Variants in SEMA3E observed in about 807,000 individuals in gnomAD.
The protein encoded by SEMA3E is semaphorin 3E, also known as semaphorin-3E.
A neutral mutation model predicts 93.6 loss-of-function variants in SEMA3E; 49 were observed. The ratio of observed to expected loss-of-function variants is 0.52; its 90% CI spans 0.42 to 0.66. SEMA3E has a LOEUF of 0.66. SEMA3E is among the 30% of genes least tolerant of loss of function. SEMA3E has a pLI of 0.00. For missense variants in SEMA3E, 906 were observed against 964.8 expected, an observed-to-expected ratio of 0.94 and a Z score of 0.81; for synonymous variants, 363 against 330.7, an observed-to-expected ratio of 1.10 and a Z score of -1.06.
chr7:83,559,752 A>G (rs1791989931), intron 1 of SEMA3E, among the ~76,000 whole-genome samples: 1 of 152,112 alleles, frequency 6.6e-6, no homozygotes, highest in African/African-American at 2.4e-5. Context: ...ATGTATATCC[A>G]CACAAAACCC....
At position 83,412,463 on chromosome 7, in the gene SEMA3E, G is replaced by A. The variant is rs144526504; in HGVS notation, c.551-3976C>T. Among the ~76,000 whole-genome samples the A allele has an allele frequency of 2.7e-3, 409 of 152,162 alleles. 1 individual carries two copies. The highest frequency in any genetic ancestry group is 9.1e-3 in the African/African-American group (377 of 41,518). ...AAAGGCTGTGAAGTGTCAACAATCA[G>A]GGCCAGGTGCAGTGATTCTCGCCTG... On this transcript the variant is annotated intron_variant, in intron 5 of 16. Coordinates refer to ENST00000643230, the MANE Select transcript of SEMA3E (RefSeq NM_012431.3).
rs3839773 is a variant in SEMA3E, at chr7:83,531,913, AT to A, written c.116-41640del. On this transcript the variant is annotated intron_variant, in intron 1 of 16. Transcript: ENST00000643230. Reference sequence around the variant, plus strand: ...CATAAGATTGGCACCTATGAAAATAATTTTAATATAAATATTTGCATTCAAC... The same window carrying A: ...CATAAGATTGGCACCTATGAAAATAATTTAATATAAATATTTGCATTCAAC... Among the ~76,000 whole-genome samples the A allele has an allele frequency of 1.7e-3, 255 of 152,312 alleles. 9 individuals are homozygous for A. In the East Asian group the frequency reaches 0.043, roughly 26 times the overall value.
intron 1 of SEMA3E, among the ~76,000 whole-genome samples, chr7:83,626,072 T>C (rs1793662572): frequency 6.6e-6 from 1 of 152,058 alleles, no homozygotes; most frequent in Admixed American, 6.5e-5. Flanking sequence ...GATTGTGGTG[T>C]ATAAGCTTTT....
intron 4 of SEMA3E, among the ~76,000 whole-genome samples, chr7:83,438,877 G>C (rs1789055485): frequency 6.6e-6 from 1 of 152,058 alleles, no homozygotes; most frequent in Non-Finnish European, 1.5e-5. Flanking sequence ...TAGACGTTTA[G>C]ACATGGCAAG....
intron 5 of SEMA3E, among the ~76,000 whole-genome samples, chr7:83,412,768 A>AG (rs1788466512): frequency 9.6e-6 from 1 of 104,274 alleles, no homozygotes; most frequent in African/African-American, 2.8e-5. Flanking sequence ...AGATAAAAAA[A>AG]AAAAAAAAAA....
chr7:83,612,771 C>T (rs1267788038), intron 1 of SEMA3E: 1 of 152,086 alleles, frequency 6.6e-6, no homozygotes, highest in East Asian at 1.9e-4. Flanking sequence ...GGAAAAAGCC[C>T]TTTGGAAACT....
chr7:83,553,112 A>C (rs910234978), intron 1 of SEMA3E, among the ~76,000 whole-genome samples: 6 of 152,174 alleles, frequency 3.9e-5, no homozygotes. Context: ...GGTGGGCATC[A>C]CAGTCCTACC....
intron 10 of SEMA3E, among the ~76,000 whole-genome samples, chr7:83,401,688 T>A (rs530453946): frequency 8.5e-5 from 13 of 152,232 alleles, no homozygotes; most frequent in Non-Finnish European, 1.9e-4. Flanking sequence ...TTAACACTTG[T>A]TAATGGAAGT....
intron 4 of SEMA3E, among the ~76,000 whole-genome samples, chr7:83,458,123 C>A (rs1789528577): frequency 6.6e-6 from 1 of 151,128 alleles, no homozygotes; most frequent in Admixed American, 6.6e-5. Context: ...TATAAACATT[C>A]AACTATTGGA....
In SEMA3E at chr7:83,636,475, G is replaced by A. The variant is rs538180240; in HGVS notation, c.115+11953C>T. ...ATCTATATAGATAGAATTAAATTCT[G>A]TATATTAAATGCAATACATAAAGTA... On this transcript the variant is annotated intron_variant, in intron 1 of 16. Transcript: ENST00000643230. Among the ~76,000 whole-genome samples the A allele has an allele frequency of 1.9e-4, 29 of 152,178 alleles. No homozygotes were observed. In the South Asian group the frequency reaches 5.8e-3, roughly 30 times the overall value.
chr7:83,533,746 G>T (rs1275313395), intron 1 of SEMA3E, among the ~76,000 whole-genome samples: 2 of 152,004 alleles, frequency 1.3e-5, no homozygotes, highest in Non-Finnish European at 2.9e-5. Context: ...TTTTATTATT[G>T]TGCTTACCTG....
At chr7:83,405,370 C>CA in intron 9 of SEMA3E, 80 bp downstream of exon 9, 3 of 1,021,332 alleles carry the variant, frequency 2.9e-6, no homozygotes, top group South Asian at 2.6e-5. Context: ...AGTCTTTCAA[C>CA]TTATATACAC....
At chr7:83,403,415 C>T (rs1372118744) in intron 9 of SEMA3E, among the ~76,000 whole-genome samples, 3 of 151,684 alleles carry the variant, frequency 2.0e-5, no homozygotes, top group Non-Finnish European at 4.4e-5. Flanking sequence ...CCAGAACTAG[C>T]GGAAAGCAAA....
chr7:83,646,135 T>C (rs995693979), intron 1 of SEMA3E, among the ~76,000 whole-genome samples: 1 of 152,116 alleles, frequency 6.6e-6, no homozygotes, highest in East Asian at 1.9e-4. Flanking sequence ...ATATGACATA[T>C]ACCTAGTGCC....
At chr7:83,551,565 C>A (rs770114435) in intron 1 of SEMA3E, among the ~76,000 whole-genome samples, 2 of 152,064 alleles carry the variant, frequency 1.3e-5, no homozygotes, top group Non-Finnish European at 2.9e-5. Context: ...TGTCACAGAA[C>A]AGTGAAGGTT....
chr7:83,499,826 T>A (rs931686106), intron 1 of SEMA3E, among the ~76,000 whole-genome samples: 1 of 152,144 alleles, frequency 6.6e-6, no homozygotes, highest in African/African-American at 2.4e-5. Flanking sequence ...TAAATACACA[T>A]ATGCACATAT....
intron 1 of SEMA3E, among the ~76,000 whole-genome samples, chr7:83,557,453 C>A (rs1791942693): frequency 6.6e-6 from 1 of 151,706 alleles, no homozygotes. Flanking sequence ...GGTAAAACAA[C>A]TAAAATTAAT....
At chr7:83,442,703 T>C (rs1789140963) in intron 4 of SEMA3E, among the ~76,000 whole-genome samples, 1 of 152,152 alleles carries the variant, frequency 6.6e-6, no homozygotes, top group South Asian at 2.1e-4. Context: ...TACAACTGTA[T>C]GTTTAGACCA....
rs543958455 is a variant in SEMA3E at position 83,477,766 on chromosome 7, TCTA to T, written c.277-8467_277-8465del. Reference sequence around the variant, plus strand: ...ACAAATTGTACATAAATGCCTTTCTTCTACTCGATAAAAAATTAAATTCTAAAA... The same window carrying T: ...ACAAATTGTACATAAATGCCTTTCTTCTCGATAAAAAATTAAATTCTAAAA... On this transcript the variant is annotated intron_variant, in intron 2 of 16. Transcript: ENST00000643230. Among the ~76,000 whole-genome samples the T allele has an allele frequency of 1.6e-4, 24 of 152,226 alleles. 1 individual carries two copies. The South Asian group carries it at 3.3e-3, about 21-fold the overall frequency.
Sources: gnomAD v4.1 joint callset for allele counts (sites outside exome capture counted in the v4.1 genomes callset) on GRCh38, gnomAD v4.1.1 for gene constraint, MANE v1.5 for transcripts, NCBI Gene and HGNC (gene_info 2026-07-23, HGNC 2026-07-21) for gene names.